KCNA3: variants seen among roughly 807,000 people sequenced by gnomAD.
The protein encoded by KCNA3 is potassium voltage-gated channel subfamily A member 3, also known as RP11-284N8.3.
Under a neutral mutation model 34.3 loss-of-function variants are expected in KCNA3, and 18 were observed. The observed-to-expected ratio is 0.52, with a 90% CI of 0.36 to 0.78. The LOEUF (loss-of-function observed/expected upper bound fraction) is 0.78. Ranked by LOEUF, KCNA3 falls within the 30% of genes least tolerant of loss-of-function variation. The pLI, the probability that KCNA3 is intolerant of heterozygous loss-of-function variation, is 0.00. For missense variants in KCNA3, 587 were observed against 802.5 expected (o/e 0.73, Z 3.24); for synonymous variants, 324 against 351.7 (o/e 0.92, Z 0.88).
At chr1:110,660,855 G>A in the KCNA3 span, among the ~76,000 whole-genome samples, 2 of 152,124 alleles carry the variant, frequency 1.3e-5, no homozygotes, top group Middle Eastern at 3.2e-3. Context: ...CCAGAATCTA[G>A]AATAGTGTTT....
the KCNA3 span, among the ~76,000 whole-genome samples, chr1:110,659,926 G>T: frequency 2.0e-5 from 3 of 151,758 alleles, no homozygotes; most frequent in Non-Finnish European, 2.9e-5. Flanking sequence ...CTGCCTGTTG[G>T]GGGGTGGGGG....
At chr1:110,669,695 G>C (rs558483301), downstream of KCNA3, among the ~76,000 whole-genome samples, 2 of 152,308 alleles carry the variant, frequency 1.3e-5, no homozygotes, top group East Asian at 3.9e-4. Context: ...CCTGCTAGCT[G>C]TGAAGTCTTA....
At chr1:110,670,012 C>T (rs1032623063), downstream of KCNA3, among the ~76,000 whole-genome samples, 1 of 152,036 alleles carries the variant, frequency 6.6e-6, no homozygotes, top group Non-Finnish European at 1.5e-5. Context: ...ATTTACTATT[C>T]ACAATAAACC....
Position 110,674,853 on chromosome 1 carries a change from C to T in KCNA3, c.-44G>A. The T allele has an allele frequency of 7.8e-7, 1 of 1,282,552 alleles. No individual in the cohort carries two copies. The highest frequency in any genetic ancestry group is 1.6e-5 in the African/African-American group (1 of 64,478). The allele number at this position is 1,282,552 out of a possible 1,614,324, so 79.4% of individuals were successfully genotyped here. ...CAGCGGTGAGGCCAGGTCGCTCCTC[C>T]TCGCGCTCCCCGCCCTTTCGCCGCC... is the stretch of plus-strand genomic sequence containing the variant. On this transcript the variant is annotated 5_prime_UTR_variant, in exon 1 of 1. Coordinates refer to ENST00000369769, the MANE Select transcript of KCNA3 (RefSeq NM_002232.5). This position sits in a 1 kb window ranked among gnomAD's most constrained non-coding sequence, Gnocchi z 6.4.
chr1:110,653,803 TA>T, the KCNA3 span: 2 of 152,156 alleles, frequency 1.3e-5, no homozygotes, highest in African/African-American at 4.8e-5. Context: ...TGTCAAAGGA[TA>T]AACAGAAAAA....
At chr1:110,670,177 T>C (rs1651832431), downstream of KCNA3, among the ~76,000 whole-genome samples, 1 of 152,166 alleles carries the variant, frequency 6.6e-6, no homozygotes, top group Non-Finnish European at 1.5e-5. Flanking sequence ...ATTAAAAGCC[T>C]GGAAATAACA....
Position 110,674,096 on chromosome 1 carries a change from G to A in KCNA3, c.714C>T (p.Ile238=). 1 of 1,610,012 alleles carries A rather than the reference G, an allele frequency of 6.2e-7. No homozygotes were observed. Among genetic ancestry groups the A allele is most frequent in the Non-Finnish European group, 8.5e-7 (1 of 1,178,152 alleles). ...AGATGAGGATGACCAGCACGGACACGATGGCGATGCCCCGGGCCGGCCCGG... is the reference window on the plus strand; with the variant it reads ...AGATGAGGATGACCAGCACGGACACAATGGCGATGCCCCGGGCCGGCCCGG... ...ESSGPARGIA[I]VSVLVILISI... is the part of the protein sequence containing the mutation. The change falls in exon 1 of 1, where the codon ATC becomes ATT. Residue 238 remains isoleucine, a synonymous_variant. Transcript: ENST00000369769. The surrounding 1 kb of genome is among the most constrained non-coding windows in gnomAD (Gnocchi z 6.4).
At chr1:110,653,577 TTG>T in the KCNA3 span, 1 of 152,212 alleles carries the variant, frequency 6.6e-6, no homozygotes, top group Non-Finnish European at 1.5e-5. Context: ...TGGTCTTTTA[TTG>T]AATTCTGTAT....
chr1:110,664,449 G>A, the KCNA3 span, among the ~76,000 whole-genome samples: 3 of 152,114 alleles, frequency 2.0e-5, no homozygotes, highest in Non-Finnish European at 4.4e-5. Flanking sequence ...GCATGTTTTC[G>A]CAAATGCAAG....
the KCNA3 span, among the ~76,000 whole-genome samples, chr1:110,661,647 A>C: frequency 6.6e-6 from 1 of 152,092 alleles, no homozygotes; most frequent in Non-Finnish European, 1.5e-5. Flanking sequence ...CATTCTTTTT[A>C]TATAAAACGG....
At chr1:110,657,430 C>G in the KCNA3 span, among the ~76,000 whole-genome samples, 31 of 152,208 alleles carry the variant, frequency 2.0e-4, no homozygotes, top group African/African-American at 6.7e-4. Flanking sequence ...GAATCCAGCA[C>G]GCCCATCTTG....
downstream of KCNA3, among the ~76,000 whole-genome samples, chr1:110,672,159 T>C (rs1466127084): frequency 1.3e-5 from 2 of 152,118 alleles, no homozygotes; most frequent in Non-Finnish European, 2.9e-5. Flanking sequence ...CATGACAACC[T>C]TTTTCGGGTT....
At chr1:110,668,473 G>GTA (rs1651766392), downstream of KCNA3, among the ~76,000 whole-genome samples, 1 of 152,068 alleles carries the variant, frequency 6.6e-6, no homozygotes, top group South Asian at 2.1e-4. Context: ...AAATACTTGA[G>GTA]TATATTATAC....
the KCNA3 span, chr1:110,654,422 A>C: frequency 6.6e-6 from 1 of 152,118 alleles, no homozygotes; most frequent in East Asian, 1.9e-4. Flanking sequence ...TCTGAATCAG[A>C]ATGGATGCAG....
chr1:110,659,810 T>A, the KCNA3 span, among the ~76,000 whole-genome samples: 1 of 151,674 alleles, frequency 6.6e-6, no homozygotes, highest in Non-Finnish European at 1.5e-5. Context: ...CTGGAAACCA[T>A]CATTCTCGGC....
chr1:110,674,442 C>T lies in KCNA3; in HGVS notation c.368G>A (p.Cys123Tyr), dbSNP rs1652005668. Residue 123 changes from cysteine to tyrosine, a missense_variant, in exon 1 of 1, where the codon TGC becomes TAC. Transcript: ENST00000369769. This position sits in a 1 kb window ranked among gnomAD's most constrained non-coding sequence, Gnocchi z 6.4. ...LRFETQLKTL[C>Y]QFPETLLGDP... ...GCCCAGCAGCGTCTCGGGGAACTGG[C>T]AAAGGGTCTTCAGCTGCGTCTCGAA... is the stretch of plus-strand genomic sequence containing the variant. 6.2e-7 allele frequency: 1 copy of T among 1,614,082 alleles called. No homozygotes were observed. Among genetic ancestry groups the T allele is most frequent in the Non-Finnish European group, 8.5e-7 (1 of 1,179,976 alleles).
At chr1:110,672,446 AATT>A (rs1356194041), downstream of KCNA3, 2 of 150,256 alleles carry the variant, frequency 1.3e-5, no homozygotes, top group Non-Finnish European at 3.0e-5. Flanking sequence ...GAATTAAACT[AATT>A]AGTCAGATCA....
At position 110,674,410 on chromosome 1, in the gene KCNA3, T is replaced by C; in HGVS notation, c.400A>G (p.Lys134Glu). The part of the protein sequence containing the change: ...QFPETLLGDP[K>E]RRMRYFDPLR... ...GGGTCGAAGTACCTCATGCGCCGCT[T>C]GGGGTCGCCCAGCAGCGTCTCGGGG... The change falls in exon 1 of 1, where the codon AAG becomes GAG. Residue 134 changes from lysine to glutamate, a missense_variant. Lys to Glu is a moderately conservative substitution (Grantham distance 56, BLOSUM62 1). Coordinates refer to ENST00000369769, the MANE Select transcript of KCNA3 (RefSeq NM_002232.5). This position sits in a 1 kb window ranked among gnomAD's most constrained non-coding sequence, Gnocchi z 6.4. 2 of 1,614,044 alleles carry C rather than the reference T, an allele frequency of 1.2e-6. No homozygotes were observed. The highest frequency in any genetic ancestry group is 1.7e-6 in the Non-Finnish European group (2 of 1,180,004).
rs1185270326 is a variant in KCNA3 at position 110,674,921 on chromosome 1, G to T, written c.-112C>A. The T allele has an allele frequency of 4.0e-6, 5 of 1,240,046 alleles. No individual in the cohort carries two copies. The highest frequency in any genetic ancestry group is 1.6e-5 in the African/African-American group (1 of 63,698). The allele number at this position is 1,240,046 out of a possible 1,614,324, so 76.8% of individuals were successfully genotyped here. A position where few individuals can be genotyped will look rare whatever the true frequency, so the allele number is the denominator to read the frequency against. ...CCCACCGCCTGTTGCAGCCAAAGCC[G>T]CGATGCTCTGTCTGGGTCTGGCGCG... On this transcript the variant is annotated 5_prime_UTR_variant, in exon 1 of 1. Transcript: ENST00000369769. The surrounding 1 kb of genome is among the most constrained non-coding windows in gnomAD (Gnocchi z 6.4).
Sources: allele counts gnomAD v4.1 joint callset (sites outside exome capture counted in the v4.1 genomes callset), GRCh38; gene constraint gnomAD v4.1.1; non-coding constraint Gnocchi (gnomAD v3.1); transcripts MANE v1.5; gene names NCBI Gene and HGNC (gene_info 2026-07-23, HGNC 2026-07-21).